The following MTMR12 variants were observed in gnomAD, a reference collection of about 807,000 sequenced individuals.
The protein encoded by MTMR12 is myotubularin-related protein 12.
A neutral mutation model predicts 96.7 loss-of-function variants in MTMR12; 33 were observed. That is an observed-to-expected ratio of 0.34 (90% CI 0.26 to 0.46). MTMR12 has a LOEUF of 0.46. Ranked by LOEUF, MTMR12 falls within the 20% of genes least tolerant of loss-of-function variation. The probability of loss-of-function intolerance (pLI) is 1.00; values close to 1 mark genes in which losing one functional copy is unlikely to be tolerated. For synonymous variants in MTMR12, 298 were observed against 327.2 expected (o/e 0.91, Z 0.96); for missense variants, 721 against 896.1 (o/e 0.80, Z 2.49).
At position 32,230,309 on chromosome 5, in the gene MTMR12, C is replaced by G. The variant is rs1561731874; in HGVS notation, c.1713G>C (p.Lys571Asn). Residue 571 changes from lysine (K) to asparagine (N), a missense_variant, in exon 16 of 16, where the codon AAG (lysine) becomes AAC (asparagine). Physicochemically the swap from Lys to Asn is moderately conservative, Grantham distance 94 (BLOSUM62 0). Transcript: ENST00000382142. ...TGAAAAATCCTCTTTTGGGAGATGA[C>G]TTAGATTGTGTAAGTGGCAAAGAAA... ...RQLSLPLTQS[K>N]SSPKRGFFRE... 4 of 1,610,084 alleles carry G rather than the reference C, an allele frequency of 2.5e-6. No homozygotes were observed. Among genetic ancestry groups the G allele is most frequent in the South Asian group, 2.2e-5 (2 of 90,048 alleles).
intron 4 of MTMR12, among the ~76,000 whole-genome samples, chr5:32,271,347 T>TG (rs1010926867): frequency 1.0e-3 from 153 of 152,340 alleles, no homozygotes; most frequent in African/African-American, 3.5e-3. Flanking sequence ...TCCCAGAATG[T>TG]GGACCCACTC....
chr5:32,277,880 G>A (rs1750122862), intron 1 of MTMR12, among the ~76,000 whole-genome samples: 1 of 152,164 alleles, frequency 6.6e-6, no homozygotes, highest in Admixed American at 6.5e-5. Flanking sequence ...TATTGATCCA[G>A]CTAATCTACA....
At chr5:32,300,815 C>T (rs947317562) in intron 1 of MTMR12, among the ~76,000 whole-genome samples, 1 of 152,202 alleles carries the variant, frequency 6.6e-6, no homozygotes, top group Non-Finnish European at 1.5e-5. Context: ...TGGCTCACAC[C>T]TCTAATCCCA....
chr5:32,262,777 G>A (rs1001425531), intron 7 of MTMR12, among the ~76,000 whole-genome samples: 2 of 152,120 alleles, frequency 1.3e-5, no homozygotes, highest in African/African-American at 4.8e-5. Context: ...GATACAAGCT[G>A]CAAAATAAAC....
At chr5:32,270,314 ATTATGT>A (rs1429449612) in intron 5 of MTMR12, among the ~76,000 whole-genome samples, 3 of 152,104 alleles carry the variant, frequency 2.0e-5, no homozygotes, top group Non-Finnish European at 2.9e-5. Context: ...CGACCAGGAG[ATTATGT>A]TTATTTAGTC....
intron 8 of MTMR12, among the ~76,000 whole-genome samples, chr5:32,251,484 T>TCA (rs1458209674): frequency 4.6e-5 from 7 of 152,150 alleles, no homozygotes; most frequent in African/African-American, 1.7e-4. Flanking sequence ...AACACTGCAG[T>TCA]CATGTAGGGA....
chr5:32,250,075 C>T (rs547263358), intron 8 of MTMR12, among the ~76,000 whole-genome samples: 3 of 152,284 alleles, frequency 2.0e-5, no homozygotes, highest in South Asian at 4.2e-4. Context: ...CTAGCAGTGG[C>T]GTAGACCGAG....
At chr5:32,238,722 T>G (rs185462300) in intron 13 of MTMR12, among the ~76,000 whole-genome samples, 108 of 152,308 alleles carry the variant, frequency 7.1e-4, no homozygotes, top group African/African-American at 2.5e-3. Context: ...GTCTTATTAA[T>G]AAATATTATT....
intron 8 of MTMR12, among the ~76,000 whole-genome samples, chr5:32,253,828 C>T (rs1215975989): frequency 2.6e-5 from 4 of 152,210 alleles, no homozygotes; most frequent in African/African-American, 9.6e-5. Flanking sequence ...CTCGCTTTGT[C>T]GCCCAGGCTG....
intron 8 of MTMR12, 105 bp downstream of exon 8, chr5:32,255,588 T>C (rs1441525524): frequency 1.8e-6 from 2 of 1,091,442 alleles, no homozygotes; most frequent in African/African-American, 3.2e-5. Context: ...GTTCTTGGAC[T>C]GAAAACAAAC....
intron 1 of MTMR12, among the ~76,000 whole-genome samples, chr5:32,280,856 T>C (rs60649342): frequency 0.3 from 45,884 of 151,910 alleles, 7,055 homozygotes; most frequent in East Asian, 0.42. Context: ...GTGACACAGG[T>C]ACTTGGTCAT....
intron 15 of MTMR12, among the ~76,000 whole-genome samples, chr5:32,232,050 TTCTC>T (rs1748017507): frequency 6.6e-6 from 1 of 152,232 alleles, no homozygotes; most frequent in African/African-American, 2.4e-5. Flanking sequence ...GGAAGCCCCC[TTCTC>T]TCTATCTCCT....
chr5:32,239,866 G>A (rs1375959183), intron 12 of MTMR12, among the ~76,000 whole-genome samples: 1 of 152,166 alleles, frequency 6.6e-6, no homozygotes, highest in Non-Finnish European at 1.5e-5. Flanking sequence ...CACCTGCCAT[G>A]CACTTTCCAA....
intron 15 of MTMR12, 86 bp from the exon 16 acceptor site, chr5:32,230,433 C>T (rs1747951922): frequency 5.4e-6 from 7 of 1,286,708 alleles, no homozygotes; most frequent in African/African-American, 4.5e-5. Flanking sequence ...GAGCATAACC[C>T]TGCTTTAACA....
At chr5:32,230,448 C>G in intron 15 of MTMR12, 101 bp from the exon 16 acceptor site, 1 of 1,135,066 alleles carries the variant, frequency 8.8e-7, no homozygotes, top group Non-Finnish European at 1.2e-6. Context: ...TTAACAAGTT[C>G]CAAGAGACAT....
At chr5:32,272,917 G>A (rs189536830) in intron 3 of MTMR12, among the ~76,000 whole-genome samples, 2 of 152,308 alleles carry the variant, frequency 1.3e-5, no homozygotes, top group East Asian at 1.9e-4. Context: ...AGGCAGTACT[G>A]GTGCTGCTGT....
At chr5:32,279,076 CAAAAAAAAAAAAAAAAAAAAAAA>C (rs35999870) in intron 1 of MTMR12, among the ~76,000 whole-genome samples, 4 of 50,518 alleles carry the variant, frequency 7.9e-5, no homozygotes, top group African/African-American at 3.1e-4. Context: ...AACTCTGTCT[CAAAAAAAAAAAAAAAAAAAAAAA>C]AAAAAAAAAA....
chr5:32,268,438 G>T (rs1749692914), intron 6 of MTMR12, among the ~76,000 whole-genome samples: 1 of 151,636 alleles, frequency 6.6e-6, no homozygotes, highest in Non-Finnish European at 1.5e-5. Context: ...AACCCGGGAG[G>T]CGGAAATTGC....
At chr5:32,241,841 T>C (rs1011807456) in intron 12 of MTMR12, among the ~76,000 whole-genome samples, 2 of 152,218 alleles carry the variant, frequency 1.3e-5, no homozygotes, top group Non-Finnish European at 2.9e-5. Flanking sequence ...TTGTGGACTG[T>C]GAATAGGTCT....
Sources: gnomAD v4.1 joint callset for allele counts (sites outside exome capture counted in the v4.1 genomes callset) on GRCh38, gnomAD v4.1.1 for gene constraint, MANE v1.5 for transcripts, NCBI Gene and HGNC (gene_info 2026-07-23, HGNC 2026-07-21) for gene names.